Variants in MYO1H observed in about 807,000 individuals in gnomAD.
MYO1H encodes the protein unconventional myosin-Ih.
MYO1H carries 118 observed loss-of-function variants against 149.3 expected under a neutral mutation model. That is an observed-to-expected ratio of 0.79 (90% confidence interval 0.68 to 0.92). The LOEUF (loss-of-function observed/expected upper bound fraction) is 0.92. MYO1H is among the 40% of genes least tolerant of loss of function. The pLI is 0.00. For missense variants in MYO1H, 1,212 were observed against 1,280.7 expected, an observed-to-expected ratio of 0.95 and a Z score of 0.82; for synonymous variants, 447 against 465.2, an observed-to-expected ratio of 0.96 and a Z score of 0.50.
At chr12:109,399,591 CAAAAAA>C (rs34417905) in intron 5 of MYO1H, among the ~76,000 whole-genome samples, 12 of 70,504 alleles carry the variant, frequency 1.7e-4, no homozygotes, top group African/African-American at 4.1e-4. Flanking sequence ...GACTCTGTCT[CAAAAAA>C]AAAAAAAAAA....
chr12:109,358,846 TAAAAAA>T lies in MYO1H; in HGVS notation c.12+10893_12+10898del, dbSNP rs541289093. 1.1e-3 allele frequency among the ~76,000 whole-genome samples: 91 copies of T among 84,534 alleles called. 1 individual carries two copies. Among genetic ancestry groups the T allele is most frequent in the African/African-American group, 4.5e-3 (81 of 17,858 alleles). 55.5% of individuals were successfully genotyped at this position (84,534 alleles called of 152,430 possible). A position where few individuals can be genotyped will look rare whatever the true frequency, so the allele number is the denominator to read the frequency against. On this transcript the variant is annotated intron_variant, in intron 1 of 31. Coordinates refer to ENST00000310903, the Ensembl canonical transcript of MYO1H. Reference sequence around the variant, plus strand: ...TTCTGGGGGAAGCATCCTGTGGTGTTAAAAAAAAAAAAAAAAAAAAAAAAGGCTCTA... The same window carrying T: ...TTCTGGGGGAAGCATCCTGTGGTGTTAAAAAAAAAAAAAAAAAAGGCTCTA...
intron 6 of MYO1H, among the ~76,000 whole-genome samples, chr12:109,401,998 C>A (rs1870188594): frequency 6.6e-6 from 1 of 152,170 alleles, no homozygotes; most frequent in East Asian, 1.9e-4. Flanking sequence ...CCTCAGCCTC[C>A]CAAAGTGCTG....
exon 29 of MYO1H, chr12:109,444,255 A>G (rs1872378198): frequency 1.9e-6 from 3 of 1,613,800 alleles, no homozygotes; most frequent in Non-Finnish European, 2.5e-6. Flanking sequence ...TTAGTCATTC[A>G]TGTTTCACCA....
intron 1 of MYO1H, among the ~76,000 whole-genome samples, chr12:109,385,283 TTTC>T (rs1274882373): frequency 6.7e-6 from 1 of 149,262 alleles, no homozygotes; most frequent in African/African-American, 2.4e-5. Flanking sequence ...TGTTTCTTTT[TTTC>T]TTTCTTTCTT....
chr12:109,376,852 T>C (rs1369450260), intron 1 of MYO1H, among the ~76,000 whole-genome samples: 1 of 152,242 alleles, frequency 6.6e-6, no homozygotes, highest in Admixed American at 6.5e-5. Context: ...GGGATTTTGA[T>C]TGTGATAGTA....
rs564351716 is a variant in MYO1H, at chr12:109,404,084, C to A, written c.849+4C>A. The A allele has an allele frequency of 6.2e-7, 1 of 1,608,864 alleles. No individual in the cohort carries two copies. The highest frequency in any genetic ancestry group is 1.1e-5 in the South Asian group (1 of 90,542). On this transcript the variant is annotated splice_donor_region_variant and intron_variant, in intron 7 of 31. Coordinates refer to ENST00000310903, the Ensembl canonical transcript of MYO1H. ...TTTTACTGAAGCTGACCTCGAGGTA[C>A]GTGCTTTTGCAGCAGAACTGATAGT... is the stretch of plus-strand genomic sequence containing the variant.
chr12:109,327,763 A>G, the MYO1H span, among the ~76,000 whole-genome samples: 1 of 149,554 alleles, frequency 6.7e-6, no homozygotes, highest in South Asian at 2.1e-4. Context: ...AAAAAGAAAG[A>G]AAAAAAAGAA....
At chr12:109,442,383 G>A (rs1365623614) in intron 27 of MYO1H, 111 bp downstream of exon 27, 5 of 827,950 alleles carry the variant, frequency 6.0e-6, no homozygotes, top group Admixed American at 2.1e-5. Context: ...GTGCAGCTGG[G>A]CAGCTGGGGC....
chr12:109,438,341 C>T (rs2135597359), intron 22 of MYO1H, among the ~76,000 whole-genome samples, 195 bp from the exon 23 acceptor site: 1 of 152,236 alleles, frequency 6.6e-6, no homozygotes, highest in Non-Finnish European at 1.5e-5. Flanking sequence ...GTTCTGTCTC[C>T]CCCTGGTTCA....
At chr12:109,354,637 AAAG>A (rs1308572744) in intron 1 of MYO1H, among the ~76,000 whole-genome samples, 1 of 151,490 alleles carries the variant, frequency 6.6e-6, no homozygotes, top group Non-Finnish European at 1.5e-5. Context: ...AAAAAAAAGA[AAAG>A]AAAAGAAATC....
the MYO1H span, among the ~76,000 whole-genome samples, chr12:109,327,762 GAAAAA>G: frequency 2.3e-5 from 3 of 131,278 alleles, no homozygotes; most frequent in African/African-American, 5.7e-5. Context: ...AAAAAAGAAA[GAAAAA>G]AAAGAAAAAG....
chr12:109,427,569 C>A lies in MYO1H; in HGVS notation c.1932C>A (p.Tyr644Ter), dbSNP rs200895967. 6.8e-6 allele frequency: 11 copies of A among 1,610,804 alleles called. No individual in the cohort carries two copies. Among genetic ancestry groups the A allele is most frequent in the South Asian group, 2.2e-5 (2 of 91,008 alleles). ...CTGGTTTTGCATACCGAAGGAAATA[C>A]GAGCATTTCTTGCAAAGGTAAAATG... The change falls in exon 19 of 32, where the codon TAC becomes TAA. Residue 644 changes from tyrosine (Y) to a stop codon, truncating the protein, a stop_gained. Transcript: ENST00000310903. LOFTEE classifies it high-confidence loss of function.
At chr12:109,397,593 A>G (rs922238384) in intron 4 of MYO1H, 139 bp from the exon 5 acceptor site, 1 of 559,736 alleles carries the variant, frequency 1.8e-6, no homozygotes, top group African/African-American at 1.9e-5. Context: ...ATTCCTTCTT[A>G]GAAGATAAAG....
upstream of MYO1H, among the ~76,000 whole-genome samples, chr12:109,343,434 T>C (rs185757882): frequency 3.3e-3 from 509 of 152,326 alleles, 1 homozygote; most frequent in Non-Finnish European, 4.8e-3. Flanking sequence ...ACAAAAAAAT[T>C]CTTTTTAGGG....
the MYO1H span, among the ~76,000 whole-genome samples, chr12:109,341,329 C>T: frequency 4.6e-5 from 7 of 151,912 alleles, no homozygotes; most frequent in East Asian, 9.7e-4. Flanking sequence ...CACATGCCTC[C>T]ATTGTTGAAA....
the MYO1H span, among the ~76,000 whole-genome samples, chr12:109,323,384 T>C: frequency 6.6e-6 from 1 of 152,258 alleles, no homozygotes; most frequent in Non-Finnish European, 1.5e-5. Context: ...GCAAGTGTCA[T>C]GGGCACAAAA....
At chr12:109,437,985 G>C (rs749822677) in intron 22 of MYO1H, among the ~76,000 whole-genome samples, 9 of 151,694 alleles carry the variant, frequency 5.9e-5, no homozygotes, top group Non-Finnish European at 1.3e-4. Flanking sequence ...CTACTGGGGA[G>C]GCTGAGGTGG....
At chr12:109,388,007 A>G (rs1205852149) in intron 1 of MYO1H, among the ~76,000 whole-genome samples, 1 of 152,248 alleles carries the variant, frequency 6.6e-6, no homozygotes, top group Non-Finnish European at 1.5e-5. Flanking sequence ...CTGTAGCCAC[A>G]CCTTCTCCAG....
chr12:109,330,448 G>A, the MYO1H span, among the ~76,000 whole-genome samples: 1 of 152,074 alleles, frequency 6.6e-6, no homozygotes, highest in African/African-American at 2.4e-5. Flanking sequence ...CACATGTCTC[G>A]CAAGGTTACT....
Sources: gnomAD v4.1 joint callset for allele counts (sites outside exome capture counted in the v4.1 genomes callset) on GRCh38, gnomAD v4.1.1 for gene constraint, MANE v1.5 for transcripts, NCBI Gene and HGNC (gene_info 2026-07-23, HGNC 2026-07-21) for gene names.